Variants in AGBL4 observed in about 807,000 individuals in gnomAD.
The protein encoded by AGBL4 is cytosolic carboxypeptidase 6.
AGBL4 carries 58 observed loss-of-function variants against 66.4 expected under a neutral mutation model. The observed-to-expected ratio is 0.87, with a 90% CI of 0.71 to 1.09. The LOEUF (loss-of-function observed/expected upper bound fraction) is 1.09, where lower values mean the gene tolerates loss of function less well. Among genes scored for constraint, AGBL4 ranks in the 50% least tolerant of loss-of-function variants. The pLI is 0.00. For missense variants in AGBL4, 579 were observed against 631.0 expected (o/e 0.92, Z 0.88); for synonymous variants, 234 against 222.9 (o/e 1.05, Z -0.44).
intron 4 of AGBL4, among the ~76,000 whole-genome samples, chr1:49,210,669 C>G (rs543725829): frequency 6.6e-6 from 1 of 152,148 alleles, no homozygotes; most frequent in South Asian, 2.1e-4. Flanking sequence ...CAACCCCCAA[C>G]AGCCACAGGC....
At chr1:49,126,586 C>A (rs1208190362) in intron 4 of AGBL4, among the ~76,000 whole-genome samples, 1 of 152,080 alleles carries the variant, frequency 6.6e-6, no homozygotes. Flanking sequence ...GAAGTTTAAG[C>A]AACTTTACTA....
At chr1:49,567,279 C>G (rs945559750) in intron 3 of AGBL4, among the ~76,000 whole-genome samples, 3 of 152,230 alleles carry the variant, frequency 2.0e-5, no homozygotes, top group Non-Finnish European at 2.9e-5. Flanking sequence ...CCTGCTTTGG[C>G]TCACGCACGG....
intron 4 of AGBL4, among the ~76,000 whole-genome samples, chr1:49,164,200 C>T (rs1646591623): frequency 6.6e-6 from 1 of 151,180 alleles, no homozygotes; most frequent in South Asian, 2.1e-4. Flanking sequence ...TGCAGAGATG[C>T]AGGTAGAGAC....
chr1:49,140,101 A>G (rs1646089663), intron 4 of AGBL4, among the ~76,000 whole-genome samples: 1 of 152,222 alleles, frequency 6.6e-6, no homozygotes, highest in African/African-American at 2.4e-5. Flanking sequence ...ATTAAGTGGC[A>G]GAACTAAAAT....
At chr1:49,577,952 A>C (rs1036842773) in intron 3 of AGBL4, among the ~76,000 whole-genome samples, 5 of 152,150 alleles carry the variant, frequency 3.3e-5, no homozygotes, top group Admixed American at 3.3e-4. Flanking sequence ...CAAGGGGTGG[A>C]TATGGAAGTG....
intron 1 of AGBL4, among the ~76,000 whole-genome samples, chr1:49,949,614 A>G (rs1267067245): frequency 6.6e-6 from 1 of 151,950 alleles, no homozygotes; most frequent in Non-Finnish European, 1.5e-5. Flanking sequence ...AATGCTTAAC[A>G]TCACTAATGA....
chr1:49,241,285 G>T (rs1399786378), intron 4 of AGBL4, among the ~76,000 whole-genome samples: 3 of 151,886 alleles, frequency 2.0e-5, no homozygotes, highest in African/African-American at 4.8e-5. Context: ...TCTTTAGCTT[G>T]GTTTATAAGG....
intron 5 of AGBL4, among the ~76,000 whole-genome samples, chr1:48,888,822 A>G (rs190250834): frequency 6.6e-6 from 1 of 152,302 alleles, no homozygotes; most frequent in Admixed American, 6.5e-5. Context: ...CCAGAACCCA[A>G]ATGGTGCCTG....
chr1:49,023,340 G>A (rs966793495), intron 5 of AGBL4, among the ~76,000 whole-genome samples: 3 of 152,124 alleles, frequency 2.0e-5, no homozygotes, highest in African/African-American at 7.2e-5. Flanking sequence ...TATCTTTAAG[G>A]TCCTAGAATC....
intron 3 of AGBL4, among the ~76,000 whole-genome samples, chr1:49,602,742 T>A (rs941638624): frequency 4.6e-5 from 7 of 151,660 alleles, no homozygotes; most frequent in African/African-American, 1.5e-4. Context: ...ATACCTAATA[T>A]AAATTTTGGG....
chr1:49,809,690 T>C (rs1015294362), intron 2 of AGBL4, among the ~76,000 whole-genome samples: 20 of 152,248 alleles, frequency 1.3e-4, no homozygotes, highest in African/African-American at 4.6e-4. Flanking sequence ...AAAAAATAAC[T>C]TCATATAAAT....
chr1:49,309,174 A>G (rs1644901501), intron 3 of AGBL4, among the ~76,000 whole-genome samples: 1 of 152,118 alleles, frequency 6.6e-6, no homozygotes, highest in Non-Finnish European at 1.5e-5. Flanking sequence ...ACCTTTGGCA[A>G]GTTATTTCAC....
intron 1 of AGBL4, among the ~76,000 whole-genome samples, chr1:49,905,620 G>T (rs913839681): frequency 6.6e-6 from 1 of 152,118 alleles, no homozygotes; most frequent in African/African-American, 2.4e-5. Flanking sequence ...TTATTTGTCT[G>T]TATCACTTGG....
chr1:49,887,913 A>G (rs139669548), intron 1 of AGBL4, among the ~76,000 whole-genome samples: 96 of 152,298 alleles, frequency 6.3e-4, no homozygotes, highest in African/African-American at 2.1e-3. Flanking sequence ...AAAAACTGCA[A>G]CCTTCAAACA....
chr1:48,616,282 G>C lies in AGBL4; in HGVS notation c.951+18211C>G, dbSNP rs180911236. On this transcript the variant is annotated intron_variant, in intron 9 of 13. Transcript: ENST00000371839. ...GTGCATTAAAATTTGAGACGCACCA[G>C]GTTACACCATGCCCTCAGATTCCAG... is the stretch of plus-strand genomic sequence containing the variant. 7.2e-4 allele frequency among the ~76,000 whole-genome samples: 110 copies of C among 152,160 alleles called. 1 individual carries two copies. Among genetic ancestry groups the C allele is most frequent in the Non-Finnish European group, 9.8e-4 (67 of 68,028 alleles).
chr1:49,674,110 A>T (rs1646534152), intron 3 of AGBL4, among the ~76,000 whole-genome samples: 1 of 152,102 alleles, frequency 6.6e-6, no homozygotes, highest in Admixed American at 6.6e-5. Context: ...GGTCGGAAAA[A>T]AAGGCAAGCT....
chr1:49,241,753 T>C (rs1330444600), intron 4 of AGBL4, among the ~76,000 whole-genome samples: 1 of 151,966 alleles, frequency 6.6e-6, no homozygotes, highest in Non-Finnish European at 1.5e-5. Flanking sequence ...CAATCAGTCT[T>C]GGGTGAATTA....
chr1:49,668,148 T>C (rs571054727), intron 3 of AGBL4, among the ~76,000 whole-genome samples: 63 of 152,292 alleles, frequency 4.1e-4, no homozygotes, highest in African/African-American at 1.5e-3. Flanking sequence ...CCAATTATTA[T>C]AGGAAGGAAA....
At chr1:49,233,538 T>G (rs1039604331) in intron 4 of AGBL4, among the ~76,000 whole-genome samples, 35 of 152,138 alleles carry the variant, frequency 2.3e-4, no homozygotes, top group Admixed American at 1.6e-3. Flanking sequence ...CTTTCCCTAT[T>G]GGACTTCACT....
Sources: gnomAD v4.1 joint callset for allele counts (sites outside exome capture counted in the v4.1 genomes callset) on GRCh38, gnomAD v4.1.1 for gene constraint, MANE v1.5 for transcripts, NCBI Gene and HGNC (gene_info 2026-07-23, HGNC 2026-07-21) for gene names.